Variants in SLC24A2 observed in about 807,000 individuals in gnomAD.
SLC24A2 encodes sodium/potassium/calcium exchanger 2.
In SLC24A2, 36 loss-of-function variants were observed where a neutral mutation model predicts 62.0. That is an observed-to-expected ratio of 0.58 (90% CI 0.44 to 0.77). SLC24A2 has a LOEUF of 0.77. Ranked by LOEUF, SLC24A2 falls within the 30% of genes least tolerant of loss-of-function variation. SLC24A2 has a pLI of 0.00. For synonymous variants in SLC24A2, 358 were observed against 294.0 expected (o/e 1.22, Z -2.23); for missense variants, 846 against 817.9 (o/e 1.03, Z -0.42).
chr9:19,647,724 T>C (rs1037139406), intron 2 of SLC24A2, among the ~76,000 whole-genome samples: 1 of 152,242 alleles, frequency 6.6e-6, no homozygotes, highest in Non-Finnish European at 1.5e-5. Flanking sequence ...ATACCATTTA[T>C]ATTTCAATTG....
chr9:19,892,209 T>C, the SLC24A2 span, among the ~76,000 whole-genome samples: 2 of 152,186 alleles, frequency 1.3e-5, no homozygotes, highest in Non-Finnish European at 2.9e-5. Flanking sequence ...TAGTTCACAT[T>C]CTACTAAACA....
At chr9:19,795,156 C>T in the SLC24A2 span, among the ~76,000 whole-genome samples, 1 of 152,166 alleles carries the variant, frequency 6.6e-6, no homozygotes, top group Non-Finnish European at 1.5e-5. Context: ...TCAAGTTGTT[C>T]AGCTGGAACA....
intron 2 of SLC24A2, among the ~76,000 whole-genome samples, chr9:19,658,741 C>T (rs1394706853): frequency 6.6e-6 from 1 of 152,142 alleles, no homozygotes; most frequent in East Asian, 1.9e-4. Context: ...CAGTGGGAGA[C>T]CCAGGAGACC....
the SLC24A2 span, among the ~76,000 whole-genome samples, chr9:19,795,783 T>G: frequency 6.6e-6 from 1 of 152,090 alleles, no homozygotes; most frequent in Admixed American, 6.5e-5. Flanking sequence ...ATATTACCAC[T>G]TGGAATACAT....
chr9:20,238,100 G>C, the SLC24A2 span, among the ~76,000 whole-genome samples: 1 of 152,154 alleles, frequency 6.6e-6, no homozygotes, highest in Non-Finnish European at 1.5e-5. Flanking sequence ...GTCCAGCTGA[G>C]CCTCCACAGA....
the SLC24A2 span, among the ~76,000 whole-genome samples, chr9:20,266,191 G>C: frequency 9.2e-5 from 14 of 151,998 alleles, no homozygotes; most frequent in East Asian, 2.7e-3. Context: ...CACCCTATTC[G>C]TACACTCCCT....
intron 2 of SLC24A2, among the ~76,000 whole-genome samples, chr9:19,666,745 TG>T (rs1819266673): frequency 6.6e-6 from 1 of 152,190 alleles, no homozygotes; most frequent in Non-Finnish European, 1.5e-5. Flanking sequence ...AAAACCATTA[TG>T]TTTTTTTCAA....
chr9:20,123,787 A>G, the SLC24A2 span, among the ~76,000 whole-genome samples: 1 of 152,160 alleles, frequency 6.6e-6, no homozygotes, highest in Non-Finnish European at 1.5e-5. Flanking sequence ...GCATTGGTAA[A>G]TTTTCCACTC....
the SLC24A2 span, among the ~76,000 whole-genome samples, chr9:20,056,069 A>T: frequency 6.6e-6 from 1 of 152,218 alleles, no homozygotes; most frequent in Admixed American, 6.5e-5. Flanking sequence ...TCTAGAAGAC[A>T]TCTGCCTCAA....
chr9:19,839,050 A>G, the SLC24A2 span, among the ~76,000 whole-genome samples: 3 of 152,350 alleles, frequency 2.0e-5, no homozygotes, highest in Admixed American at 1.3e-4. Flanking sequence ...ACAAGAAAAA[A>G]ACAAACAACA....
chr9:20,042,733 G>A, the SLC24A2 span, among the ~76,000 whole-genome samples: 2 of 152,132 alleles, frequency 1.3e-5, no homozygotes, highest in South Asian at 2.1e-4. Flanking sequence ...ATATCTATGT[G>A]CCATTTTTCC....
At chr9:19,957,335 T>G in the SLC24A2 span, 2 of 152,152 alleles carry the variant, frequency 1.3e-5, no homozygotes, top group Non-Finnish European at 2.9e-5. Context: ...AGCAAAACAC[T>G]CTATATCCAG....
chr9:19,636,149 G>C (rs931356980), intron 2 of SLC24A2, among the ~76,000 whole-genome samples: 1 of 152,052 alleles, frequency 6.6e-6, no homozygotes, highest in African/African-American at 2.4e-5. Context: ...AGTTGCTCTA[G>C]ACAAAAGTAC....
intron 2 of SLC24A2, among the ~76,000 whole-genome samples, chr9:19,733,566 T>C (rs1401384432): frequency 6.6e-6 from 1 of 152,210 alleles, no homozygotes; most frequent in African/African-American, 2.4e-5. Context: ...TTTGCACAGG[T>C]GTTCAGGAAG....
chr9:20,187,292 C>A, the SLC24A2 span, among the ~76,000 whole-genome samples: 1 of 152,054 alleles, frequency 6.6e-6, no homozygotes, highest in Admixed American at 6.5e-5. Context: ...TTTTTTTTAT[C>A]ATTCACTTAA....
chr9:20,019,226 AG>A, the SLC24A2 span, among the ~76,000 whole-genome samples: 1 of 92,020 alleles, frequency 1.1e-5, no homozygotes, highest in African/African-American at 3.1e-5. Context: ...AAAGACAGAA[AG>A]AAAGAAAGAA....
chr9:19,958,927 G>C, the SLC24A2 span, among the ~76,000 whole-genome samples: 1 of 152,012 alleles, frequency 6.6e-6, no homozygotes, highest in South Asian at 2.1e-4. Context: ...TGATTCTTTG[G>C]GATGTAGTGT....
chr9:19,619,454 TCTGGCAGAAGCTAAACAAGAGGAGG>T, intron 4 of SLC24A2, 105 bp downstream of exon 4: 1 of 802,930 alleles, frequency 1.2e-6, no homozygotes, highest in Non-Finnish European at 2.2e-6. Context: ...CAGGGCTGCT[TCTGGCAGAAGCTAAACAAGAGGAGG>T]CTGGCAGGCG....
At chr9:19,838,455 CCACACACACA>C in the SLC24A2 span, among the ~76,000 whole-genome samples, 57 of 144,748 alleles carry the variant, frequency 3.9e-4, no homozygotes, top group African/African-American at 1.0e-3. Flanking sequence ...AGACCTAAAA[CCACACACACA>C]CACACACACA....
Sources: gnomAD v4.1 joint callset for allele counts (sites outside exome capture counted in the v4.1 genomes callset) on GRCh38, gnomAD v4.1.1 for gene constraint, MANE v1.5 for transcripts, NCBI Gene and HGNC (gene_info 2026-07-23, HGNC 2026-07-21) for gene names.